GRIK2: variants seen among roughly 807,000 people sequenced by gnomAD.
GRIK2 encodes glutamate ionotropic receptor kainate type subunit 2.
GRIK2 carries 32 observed loss-of-function variants against 100.3 expected under a neutral mutation model. The observed-to-expected ratio is 0.32, with a 90% confidence interval of 0.24 to 0.43. The LOEUF is 0.43. Ranked by LOEUF, GRIK2 falls within the 20% of genes least tolerant of loss-of-function variation. GRIK2 has a pLI of 1.00. For missense variants in GRIK2, 843 were observed against 1,114.9 expected, an observed-to-expected ratio of 0.76 and a Z score of 3.47; for synonymous variants, 417 against 389.4, an observed-to-expected ratio of 1.07 and a Z score of -0.83.
In GRIK2 at chr6:102,032,075, G is replaced by C. The variant is rs564644302; in HGVS notation, c.2086-3266G>C. 5.3e-5 allele frequency among the ~76,000 whole-genome samples: 8 copies of C among 151,366 alleles called. No individual in the cohort carries two copies. In the South Asian group the frequency reaches 1.7e-3, roughly 31 times the overall value. On this transcript the variant is annotated intron_variant, in intron 14 of 16. Transcript: ENST00000369134. ...TGGGGGATTATGACCATATGTGTTT[G>C]CTAATTGGGATTATCCAAGGGAAAT...
intron 2 of GRIK2, among the ~76,000 whole-genome samples, chr6:101,443,336 G>C (rs2852527): frequency 0.35 from 52,976 of 151,910 alleles, 9,555 homozygotes; most frequent in Middle Eastern, 0.4. Flanking sequence ...ATAAGTATCT[G>C]GAAACTAAAT....
intron 13 of GRIK2, chr6:101,927,218 A>G (rs916855703): frequency 6.1e-6 from 1 of 163,716 alleles, no homozygotes; most frequent in Non-Finnish European, 1.3e-5. Context: ...CTGTTTTGAT[A>G]TAGTGCAGTC....
intron 4 of GRIK2, among the ~76,000 whole-genome samples, chr6:101,626,967 T>C (rs1397529369): frequency 6.6e-6 from 1 of 151,404 alleles, no homozygotes; most frequent in Non-Finnish European, 1.5e-5. Context: ...CACATACACA[T>C]ACACACACAC....
At chr6:101,903,439 T>C (rs1788012617) in intron 12 of GRIK2, among the ~76,000 whole-genome samples, 1 of 151,806 alleles carries the variant, frequency 6.6e-6, no homozygotes, top group African/African-American at 2.4e-5. Flanking sequence ...AGAATGCCTG[T>C]CTCTAAGCAG....
intron 2 of GRIK2, among the ~76,000 whole-genome samples, chr6:101,600,707 C>A (rs902027504): frequency 1.1e-4 from 17 of 151,610 alleles, no homozygotes; most frequent in African/African-American, 4.1e-4. Flanking sequence ...ACTTGGCTCT[C>A]AGCTTGAACA....
intron 10 of GRIK2, among the ~76,000 whole-genome samples, chr6:101,837,526 A>G (rs1468547284): frequency 1.3e-5 from 2 of 152,198 alleles, no homozygotes; most frequent in African/African-American, 4.8e-5. Context: ...TGCAGTTTTT[A>G]TCTCTGAATT....
intron 9 of GRIK2, among the ~76,000 whole-genome samples, chr6:101,817,799 T>G (rs1029946786): frequency 2.0e-5 from 3 of 152,194 alleles, no homozygotes; most frequent in Non-Finnish European, 4.4e-5. Flanking sequence ...GATTTTACTG[T>G]CTTCTCCTTT....
chr6:101,939,830 G>T (rs1790849632), intron 14 of GRIK2, among the ~76,000 whole-genome samples: 1 of 152,108 alleles, frequency 6.6e-6, no homozygotes, highest in Admixed American at 6.6e-5. Flanking sequence ...AGGGACTTAG[G>T]ATTCCATATT....
At chr6:101,509,993 G>T (rs1044768259) in intron 2 of GRIK2, among the ~76,000 whole-genome samples, 1 of 152,082 alleles carries the variant, frequency 6.6e-6, no homozygotes, top group African/African-American at 2.4e-5. Context: ...AAATAAATGT[G>T]AATTTCTGTG....
At chr6:101,916,957 A>G (rs12214698) in intron 12 of GRIK2, among the ~76,000 whole-genome samples, 13,151 of 151,582 alleles carry the variant, frequency 0.087, 789 homozygotes, top group Middle Eastern at 0.2. Flanking sequence ...TTCCCATTTT[A>G]TGCCTGATCC....
At chr6:101,464,302 G>A (rs1339229267) in intron 2 of GRIK2, among the ~76,000 whole-genome samples, 1 of 152,030 alleles carries the variant, frequency 6.6e-6, no homozygotes, top group Non-Finnish European at 1.5e-5. Context: ...TTCAGTTAGT[G>A]ATGTACAGCA....
At position 101,855,239 on chromosome 6, in the gene GRIK2, C is replaced by G. The variant is rs551442553; in HGVS notation, c.1318-4048C>G. Among the ~76,000 whole-genome samples, 75 of 152,252 alleles carry G rather than the reference C, an allele frequency of 4.9e-4. 1 individual carries two copies. The highest frequency in any genetic ancestry group is 1.7e-3 in the African/African-American group (70 of 41,562). ...CCAACGGCTTGCCAGTCATTTTCTTCTATGCACTGAGATAAATTAATGAAC... is the reference window on the plus strand; with the variant it reads ...CCAACGGCTTGCCAGTCATTTTCTTGTATGCACTGAGATAAATTAATGAAC... On this transcript the variant is annotated intron_variant, in intron 10 of 16. Coordinates refer to ENST00000369134, the MANE Select transcript of GRIK2 (RefSeq NM_021956.5).
At chr6:101,440,096 A>G (rs1316126991) in intron 2 of GRIK2, among the ~76,000 whole-genome samples, 1 of 152,198 alleles carries the variant, frequency 6.6e-6, no homozygotes, top group Non-Finnish European at 1.5e-5. Flanking sequence ...AATTTCCAAG[A>G]AATATATGTA....
chr6:101,680,214 T>C (rs1771144057), intron 5 of GRIK2, among the ~76,000 whole-genome samples: 1 of 152,122 alleles, frequency 6.6e-6, no homozygotes, highest in African/African-American at 2.4e-5. Context: ...TCAGAACAAA[T>C]CATCTTCTTC....
intron 7 of GRIK2, among the ~76,000 whole-genome samples, chr6:101,735,103 T>G (rs1775544924): frequency 6.6e-6 from 1 of 152,132 alleles, no homozygotes; most frequent in African/African-American, 2.4e-5. Context: ...AGGAAGAGGA[T>G]GACTTTAGTT....
At chr6:101,755,436 G>A (rs1330950029) in intron 7 of GRIK2, among the ~76,000 whole-genome samples, 1 of 151,868 alleles carries the variant, frequency 6.6e-6, no homozygotes, top group African/African-American at 2.4e-5. Context: ...CAAAGTGCTG[G>A]GATTATAGGC....
chr6:101,725,599 AGAT>A (rs892328663), intron 7 of GRIK2, among the ~76,000 whole-genome samples: 75 of 152,148 alleles, frequency 4.9e-4, no homozygotes, highest in Middle Eastern at 3.4e-3. Flanking sequence ...ATCTCAGAAA[AGAT>A]GTAATATTTT....
At chr6:101,478,465 T>C (rs982267172) in intron 2 of GRIK2, among the ~76,000 whole-genome samples, 4 of 151,260 alleles carry the variant, frequency 2.6e-5, no homozygotes, top group Non-Finnish European at 5.9e-5. Context: ...TAAGTTACAT[T>C]ATATACAAAG....
chr6:101,696,014 G>A (rs532111376), intron 7 of GRIK2, among the ~76,000 whole-genome samples: 11 of 151,976 alleles, frequency 7.2e-5, no homozygotes, highest in East Asian at 1.9e-4. Context: ...CTGCACCATC[G>A]TTAAGTAGGG....
Sources: allele counts gnomAD v4.1 joint callset (sites outside exome capture counted in the v4.1 genomes callset), GRCh38; gene constraint gnomAD v4.1.1; transcripts MANE v1.5; gene names NCBI Gene and HGNC (gene_info 2026-07-23, HGNC 2026-07-21).